Variants in OC90 observed in about 807,000 individuals in gnomAD.
The protein encoded by OC90 is otoconin-90.
A neutral mutation model predicts 47.3 loss-of-function variants in OC90; 46 were observed. The ratio of observed to expected loss-of-function variants is 0.97; its 90% confidence interval spans 0.77 to 1.24. OC90 has a LOEUF of 1.24. OC90 is among the 50% of genes most tolerant of loss of function. OC90 has a pLI of 0.00. For synonymous variants in OC90, 271 were observed against 219.5 expected, an observed-to-expected ratio of 1.23 and a Z score of -2.07; for missense variants, 688 against 583.9, an observed-to-expected ratio of 1.18 and a Z score of -1.84.
At chr8:132,041,480 T>G in intron 5 of OC90, 45 bp downstream of exon 5, 5 of 1,557,876 alleles carry the variant, frequency 3.2e-6, no homozygotes, top group African/African-American at 1.4e-5. Context: ...AGGCCTCCCA[T>G]GAGCTCACTT....
rs532381552 is a variant in OC90 at position 132,050,605 on chromosome 8, G to A, written c.46+4376C>T. On this transcript the variant is annotated intron_variant, in intron 2 of 13. Coordinates refer to ENST00000254627, the MANE Select transcript of OC90 (RefSeq NM_001080399.3). ...ATGCCGGCTGTGAGACTTCGGGCAC[G>A]TGTTCTTTCCTCGTTGAGCCTCACT... 2.0e-5 allele frequency among the ~76,000 whole-genome samples: 3 copies of A among 152,296 alleles called. No homozygotes were observed. The East Asian group carries it at 5.8e-4, about 29-fold the overall frequency.
intron 12 of OC90, 68 bp from the exon 13 acceptor site, chr8:132,029,247 C>A: frequency 8.4e-7 from 1 of 1,189,732 alleles, no homozygotes; most frequent in South Asian, 1.2e-5. Flanking sequence ...TCAAGCACAG[C>A]CTGCTTCTCC....
intron 5 of OC90, 107 bp from the exon 6 acceptor site, chr8:132,041,263 AT>A (rs1301524254): frequency 1.4e-6 from 1 of 736,350 alleles, no homozygotes; most frequent in African/African-American, 1.8e-5. Flanking sequence ...GCAGTGGTCT[AT>A]TTTAAATATT....
chr8:132,055,022 A>G lies in OC90; in HGVS notation c.5T>C (p.Ile2Thr), dbSNP rs909834793. The change falls in exon 2 of 14, where the codon ATT (isoleucine) becomes ACT (threonine). Residue 2 changes from isoleucine (I) to threonine (T), a missense_variant. Transcript: ENST00000254627. The part of the protein sequence containing the change: M[I>T]AFLLTSVLMI... The stretch of plus-strand genomic sequence containing the variant: ...CAGCACACTGGTGAGGAGAAACGCA[A>G]TCATAGCAGGAGAACAAAGGATGGG... 1.9e-6 allele frequency: 3 copies of G among 1,551,202 alleles called. No homozygotes were observed. Among genetic ancestry groups the G allele is most frequent in the African/African-American group, 2.7e-5 (2 of 72,824 alleles).
At chr8:132,044,614 G>T in intron 3 of OC90, 125 bp from the exon 4 acceptor site, 1 of 633,074 alleles carries the variant, frequency 1.6e-6, no homozygotes, top group East Asian at 2.7e-5. Context: ...TTGACCTTGG[G>T]CTAAGCTAGC....
chr8:132,043,483 C>T (rs28399232), intron 4 of OC90, among the ~76,000 whole-genome samples: 2,649 of 152,342 alleles, frequency 0.017, 72 homozygotes, highest in African/African-American at 0.058. Flanking sequence ...GTTTCCAACT[C>T]TAAATCTCGC....
chr8:132,027,922 A>G (rs1013030802), intron 13 of OC90, among the ~76,000 whole-genome samples: 2 of 152,224 alleles, frequency 1.3e-5, no homozygotes, highest in Non-Finnish European at 2.9e-5. Flanking sequence ...TTCTGAAATG[A>G]TATGGTTTTA....
chr8:132,047,242 T>C (rs1440174770), intron 2 of OC90, among the ~76,000 whole-genome samples: 1 of 152,128 alleles, frequency 6.6e-6, no homozygotes, highest in African/African-American at 2.4e-5. Flanking sequence ...CAATATACCA[T>C]CCCACAAGGT....
intron 13 of OC90, among the ~76,000 whole-genome samples, chr8:132,025,229 A>G (rs946902928): frequency 6.6e-6 from 1 of 152,220 alleles, no homozygotes; most frequent in Non-Finnish European, 1.5e-5. Context: ...GCCCCAAAGA[A>G]TATCAGGCAA....
intron 5 of OC90, 58 bp downstream of exon 5, chr8:132,041,467 G>A (rs1466884): frequency 0.64 from 956,221 of 1,494,226 alleles, 307,534 homozygotes; most frequent in East Asian, 0.75. Flanking sequence ...CAAGGTATCA[G>A]CCAGGCCTCC....
At chr8:132,036,328 A>G in intron 9 of OC90, 1 of 780,474 alleles carries the variant, frequency 1.3e-6, no homozygotes, top group East Asian at 2.4e-5. Context: ...ATATTTCTCC[A>G]CTGGATTCCA....
Position 132,033,459 on chromosome 8 carries a change from C to A in OC90, c.734-295G>T, listed in dbSNP as rs16904577. 6.0e-3 allele frequency among the ~76,000 whole-genome samples: 921 copies of A among 152,324 alleles called. 6 individuals are homozygous for A. Among genetic ancestry groups the A allele is most frequent in the African/African-American group, 0.021 (889 of 41,582 alleles). On this transcript the variant is annotated intron_variant, in intron 10 of 13. Coordinates refer to ENST00000254627, the MANE Select transcript of OC90 (RefSeq NM_001080399.3). ...TGTGTTTGTGTCATGTTTAGTATCA[C>A]ATGCCTGCCCAGTGAAGGGGCATTA... is the stretch of plus-strand genomic sequence containing the variant.
intron 2 of OC90, among the ~76,000 whole-genome samples, chr8:132,048,541 C>A (rs560532487): frequency 1.5e-4 from 22 of 151,398 alleles, no homozygotes; most frequent in African/African-American, 5.2e-4. Context: ...ACTGAAAAAC[C>A]CTTGTCCTCT....
Position 132,038,993 on chromosome 8 carries a change from A to C in OC90, c.586+2T>G. ...CGGCTGATGCAGCCAGGTTCTTCCTACCTGGAGTCTGAGCCAGGCAGAAGG... is the reference window on the plus strand; with the variant it reads ...CGGCTGATGCAGCCAGGTTCTTCCTCCCTGGAGTCTGAGCCAGGCAGAAGG... On this transcript the variant is annotated splice_donor_variant, in intron 7 of 13. Coordinates refer to ENST00000254627, the MANE Select transcript of OC90 (RefSeq NM_001080399.3). LOFTEE classifies it high-confidence loss of function. 1 of 1,613,948 alleles carries C rather than the reference A, an allele frequency of 6.2e-7. No homozygotes were observed. Among genetic ancestry groups the C allele is most frequent in the Non-Finnish European group, 8.5e-7 (1 of 1,179,862 alleles).
Position 132,052,917 on chromosome 8 carries a change from G to A in OC90, c.46+2064C>T, listed in dbSNP as rs555795113. Among the ~76,000 whole-genome samples the A allele has an allele frequency of 5.9e-3, 788 of 133,206 alleles. 12 individuals carry two copies. Among genetic ancestry groups the A allele is most frequent in the African/African-American group, 0.02 (762 of 37,786 alleles). The allele number at this position is 133,206 out of a possible 152,430, so 87.4% of individuals were successfully genotyped here. ...GAAGCTATAAAGCTTTTTCTCACCC[G>A]GTACGTACGGCTTTCCTTGATCTGG... On this transcript the variant is annotated intron_variant, in intron 2 of 13. Coordinates refer to ENST00000254627, the MANE Select transcript of OC90 (RefSeq NM_001080399.3).
chr8:132,031,210 T>C (rs1257672606), intron 12 of OC90, among the ~76,000 whole-genome samples: 1 of 152,194 alleles, frequency 6.6e-6, no homozygotes, highest in Non-Finnish European at 1.5e-5. Flanking sequence ...TCAAATAAGC[T>C]TCCATTGGGC....
At chr8:132,049,715 A>G (rs963900965) in intron 2 of OC90, 1 of 459,200 alleles carries the variant, frequency 2.2e-6, no homozygotes, top group Non-Finnish European at 4.6e-6. Context: ...TTAGCTATAT[A>G]ACCTTCTTCA....
chr8:132,030,144 G>C (rs2130851635), intron 12 of OC90, among the ~76,000 whole-genome samples: 1 of 152,322 alleles, frequency 6.6e-6, no homozygotes, highest in South Asian at 2.1e-4. Flanking sequence ...TCTTGTGTGT[G>C]TATTTGGCAG....
chr8:132,037,247 G>A (rs1822981838), intron 9 of OC90, among the ~76,000 whole-genome samples, 191 bp downstream of exon 9: 1 of 152,226 alleles, frequency 6.6e-6, no homozygotes. Context: ...AATCCCCAGT[G>A]TTGGAGATGG....
Sources: gnomAD v4.1 joint callset for allele counts (sites outside exome capture counted in the v4.1 genomes callset) on GRCh38, gnomAD v4.1.1 for gene constraint, MANE v1.5 for transcripts, NCBI Gene and HGNC (gene_info 2026-07-23, HGNC 2026-07-21) for gene names.